The following MID1 variants were observed in gnomAD, a reference collection of about 807,000 sequenced individuals.
MID1 encodes the protein E3 ubiquitin-protein ligase Midline-1.
In MID1, 7 loss-of-function variants were observed where a neutral mutation model predicts 40.4. The observed-to-expected ratio is 0.17, with a 90% CI of 0.10 to 0.33. The LOEUF is 0.33. MID1 is among the 10% of genes least tolerant of loss of function. The pLI, the probability that MID1 is intolerant of heterozygous loss-of-function variation, is 1.00. For missense variants in MID1, 367 were observed against 558.5 expected, an observed-to-expected ratio of 0.66 and a Z score of 3.46; for synonymous variants, 229 against 221.2, an observed-to-expected ratio of 1.04 and a Z score of -0.31.
At chrX:10,809,625 G>T (rs1475529781) in intron 1 of MID1, among the ~76,000 whole-genome samples, 1 of 111,183 alleles carries the variant, frequency 9.0e-6, no homozygotes, top group Non-Finnish European at 1.9e-5. Context: ...CATGTCCTTT[G>T]TAGGGACATG....
At chrX:10,640,078 C>T (rs1311276957) in intron 1 of MID1, among the ~76,000 whole-genome samples, 3 of 111,859 alleles carry the variant, frequency 2.7e-5, no homozygotes, top group Admixed American at 1.9e-4. Flanking sequence ...ATTGTAAAGA[C>T]CATCAGTGCT....
At chrX:10,787,345 A>AT (rs1190296610) in intron 1 of MID1, among the ~76,000 whole-genome samples, 4,584 of 108,790 alleles carry the variant, frequency 0.042, 230 homozygotes, top group African/African-American at 0.14. Context: ...TGAGGGATCT[A>AT]TTTTTTTTAA....
At chrX:10,568,679 C>T (rs941044774) in intron 1 of MID1, among the ~76,000 whole-genome samples, 3 of 110,633 alleles carry the variant, frequency 2.7e-5, no homozygotes, top group African/African-American at 9.9e-5. Context: ...CCAGGCCACC[C>T]GAGGGTGGCC....
At chrX:10,788,120 G>A (rs1450730860) in intron 1 of MID1, among the ~76,000 whole-genome samples, 2 of 112,021 alleles carry the variant, frequency 1.8e-5, no homozygotes, top group African/African-American at 3.2e-5. Flanking sequence ...TCAGTTGAAG[G>A]AGATACAGAT....
At chrX:10,806,340 T>C (rs1020367324) in intron 1 of MID1, among the ~76,000 whole-genome samples, 1 of 112,139 alleles carries the variant, frequency 8.9e-6, no homozygotes, top group Admixed American at 9.5e-5. Context: ...TTCATCGAAG[T>C]TACTATTTAA....
At chrX:10,697,890 A>T (rs934210637) in intron 1 of MID1, among the ~76,000 whole-genome samples, 3 of 112,018 alleles carry the variant, frequency 2.7e-5, no homozygotes, top group African/African-American at 9.7e-5. Flanking sequence ...CTCAGTTGTG[A>T]CAATCAAAAA....
intron 1 of MID1, among the ~76,000 whole-genome samples, chrX:10,758,969 A>G (rs770808677): frequency 5.4e-5 from 6 of 112,130 alleles, no homozygotes; most frequent in East Asian, 5.6e-4. Flanking sequence ...TTGCTTTTTC[A>G]CCGGCAGGCA....
chrX:10,588,012 G>A (rs1935178025), intron 1 of MID1, among the ~76,000 whole-genome samples: 1 of 111,936 alleles, frequency 8.9e-6, no homozygotes, highest in African/African-American at 3.2e-5. Context: ...GCAGGTTGGT[G>A]CTTTAAGAAA....
At chrX:10,801,285 A>C (rs1208234801) in intron 1 of MID1, among the ~76,000 whole-genome samples, 1 of 112,198 alleles carries the variant, frequency 8.9e-6, no homozygotes, top group Non-Finnish European at 1.9e-5. Context: ...CATTATATAA[A>C]TATTAGATAG....
intron 4 of MID1, among the ~76,000 whole-genome samples, chrX:10,493,795 T>C (rs951080770): frequency 1.8e-5 from 2 of 112,256 alleles, no homozygotes; most frequent in African/African-American, 6.5e-5. Context: ...TTGCACTCCA[T>C]AAATATAAAT....
At chrX:10,690,411 A>C (rs1027402143) in intron 1 of MID1, among the ~76,000 whole-genome samples, 1 of 112,464 alleles carries the variant, frequency 8.9e-6, no homozygotes, top group Admixed American at 9.5e-5. Context: ...AATCGTAAGA[A>C]GAGATTTGCA....
chrX:10,524,061 A>G (rs1177193718), intron 2 of MID1, among the ~76,000 whole-genome samples: 1 of 111,708 alleles, frequency 9.0e-6, no homozygotes, highest in Non-Finnish European at 1.9e-5. Context: ...ACAATTGTAC[A>G]TTTTATTGTT....
At position 10,527,559 on chromosome X, in the gene MID1, G is replaced by C. The variant is rs138993483; in HGVS notation, c.661-4372C>G. 9.1e-3 allele frequency among the ~76,000 whole-genome samples: 1,021 copies of C among 111,698 alleles called. 6 individuals carry two copies. The highest frequency in any genetic ancestry group is 0.027 in the African/African-American group (841 of 30,712). Reference sequence around the variant, plus strand: ...GAAGGGCCCAACCCTGTGCCTCTGGGAGGCACCATTCTCCAGCTTGCTCAT... The same window carrying C: ...GAAGGGCCCAACCCTGTGCCTCTGGCAGGCACCATTCTCCAGCTTGCTCAT... On this transcript the variant is annotated intron_variant, in intron 2 of 9. Transcript: ENST00000317552.
At chrX:10,703,458 G>T (rs1043692672) in intron 1 of MID1, among the ~76,000 whole-genome samples, 7 of 111,789 alleles carry the variant, frequency 6.3e-5, no homozygotes, top group Admixed American at 4.7e-4. Context: ...CTGAGGCCAG[G>T]AGTTCGAGAC....
chrX:10,830,989 A>C (rs2044248859), intron 1 of MID1, among the ~76,000 whole-genome samples: 1 of 111,968 alleles, frequency 8.9e-6, no homozygotes, highest in African/African-American at 3.2e-5. Context: ...TGTCAAAGGC[A>C]GTTTCCTAAC....
chrX:10,805,302 T>G (rs2044037061), intron 1 of MID1, among the ~76,000 whole-genome samples: 1 of 96,598 alleles, frequency 1.0e-5, no homozygotes, highest in Admixed American at 1.2e-4. Flanking sequence ...TTCCCACCTA[T>G]GAGTGAGAAT....
chrX:10,504,477 CT>C (rs1234100459), intron 3 of MID1, among the ~76,000 whole-genome samples: 1 of 111,626 alleles, frequency 9.0e-6, no homozygotes, highest in Non-Finnish European at 1.9e-5. Context: ...CTAACAAACT[CT>C]TTTTATCTGG....
chrX:10,552,050 A>T (rs2033121328), intron 2 of MID1, among the ~76,000 whole-genome samples: 1 of 110,800 alleles, frequency 9.0e-6, no homozygotes, highest in African/African-American at 3.3e-5. Flanking sequence ...TCAGCCTCCC[A>T]AAGTTCTGGG....
At chrX:10,614,145 C>G (rs1234745936) in intron 1 of MID1, among the ~76,000 whole-genome samples, 1 of 111,020 alleles carries the variant, frequency 9.0e-6, no homozygotes, top group Non-Finnish European at 1.9e-5. Flanking sequence ...AATATATACA[C>G]CAACTCAAAT....
Sources: allele counts gnomAD v4.1 joint callset (sites outside exome capture counted in the v4.1 genomes callset), GRCh38; gene constraint gnomAD v4.1.1; transcripts MANE v1.5; gene names NCBI Gene and HGNC (gene_info 2026-07-23, HGNC 2026-07-21).